PAQR7: variants seen among roughly 807,000 people sequenced by gnomAD.
PAQR7 encodes progestin and adipoQ receptor family member 7.
PAQR7 carries 14 observed loss-of-function variants against 24.6 expected under a neutral mutation model. That is an observed-to-expected ratio of 0.57 (90% CI 0.38 to 0.89). PAQR7 has a LOEUF of 0.89. Among genes scored for constraint, PAQR7 ranks in the 40% least tolerant of loss-of-function variants. The pLI, the probability that PAQR7 is intolerant of heterozygous loss-of-function variation, is 0.00. For synonymous variants in PAQR7, 189 were observed against 198.8 expected, an observed-to-expected ratio of 0.95 and a Z score of 0.42; for missense variants, 351 against 444.0, an observed-to-expected ratio of 0.79 and a Z score of 1.88.
chr1:25,868,734 C>G (rs997971896), intron 2 of PAQR7, among the ~76,000 whole-genome samples: 1 of 134,436 alleles, frequency 7.4e-6, no homozygotes, highest in African/African-American at 2.7e-5. Flanking sequence ...AAAAAAAGCT[C>G]TAAGAAGTCC....
rs1401960472 is a variant in PAQR7 at position 25,870,685 on chromosome 1, T to C, written c.-99A>G. On this transcript the variant is annotated 5_prime_UTR_variant, in exon 2 of 3. Coordinates refer to ENST00000675840, the MANE Select transcript of PAQR7 (RefSeq NM_178422.6). ...GATGGTGTCAGGCAAACTTCAGTGG[T>C]TCCTGTCCACTACTCAGTGGGAATC... 2 of 152,236 alleles carry C rather than the reference T, an allele frequency of 1.3e-5. No individual in the cohort carries two copies. Among genetic ancestry groups the C allele is most frequent in the Non-Finnish European group, 2.9e-5 (2 of 68,060 alleles). The allele number at this position is 152,236 out of a possible 1,614,324, so 9.4% of individuals were successfully genotyped here. A position where few individuals can be genotyped will look rare whatever the true frequency, so the allele number is the denominator to read the frequency against.
intron 2 of PAQR7, among the ~76,000 whole-genome samples, chr1:25,867,677 A>C (rs938602457): frequency 1.3e-5 from 2 of 152,206 alleles, no homozygotes; most frequent in African/African-American, 4.8e-5. Flanking sequence ...CCCCAAAACC[A>C]ATCAAATAAG....
intron 1 of PAQR7, among the ~76,000 whole-genome samples, chr1:25,871,578 C>A (rs1416378631): frequency 1.3e-5 from 2 of 152,000 alleles, no homozygotes; most frequent in African/African-American, 2.4e-5. Context: ...AATTCATATT[C>A]CTCAACTCAA....
In PAQR7 at chr1:25,875,323, C is replaced by T. The variant is rs763111345; in HGVS notation, c.-109+165G>A. ...CTCACTTAGCCCAGGTGCTCCCCTCCGGCTCCGCGTCCTGCCTGTCTTCCC... is the reference window on the plus strand; with the variant it reads ...CTCACTTAGCCCAGGTGCTCCCCTCTGGCTCCGCGTCCTGCCTGTCTTCCC... On this transcript the variant is annotated intron_variant, in intron 1 of 2. Transcript: ENST00000675840. The surrounding 1 kb of genome is among the most constrained non-coding windows in gnomAD (Gnocchi z 5.4). Among the ~76,000 whole-genome samples, 126 of 152,330 alleles carry T rather than the reference C, an allele frequency of 8.3e-4. No homozygotes were observed. The highest frequency in any genetic ancestry group is 1.6e-3 in the Admixed American group (24 of 15,304).
At position 25,863,918 on chromosome 1, in the gene PAQR7, CA is replaced by C; in HGVS notation, c.-22-58del. 2.2e-6 allele frequency: 3 copies of C among 1,372,438 alleles called. No individual in the cohort carries two copies. Among genetic ancestry groups the C allele is most frequent in the Non-Finnish European group, 3.0e-6 (3 of 1,013,968 alleles). 85.0% of individuals were successfully genotyped at this position (1,372,438 alleles called of 1,614,324 possible). On this transcript the variant is annotated intron_variant, in intron 2 of 2. Coordinates refer to ENST00000675840, the MANE Select transcript of PAQR7 (RefSeq NM_178422.6). The surrounding 1 kb of genome is among the most constrained non-coding windows in gnomAD (Gnocchi z 6.1). Reference sequence around the variant, plus strand: ...CTGGTGTCCTCACCCCCACGAGCAGCAGCTGGGGGGCTCTGATGCCCAAATC... The same window carrying C: ...CTGGTGTCCTCACCCCCACGAGCAGCGCTGGGGGGCTCTGATGCCCAAATC...
rs569263691 is a variant in PAQR7 at position 25,869,835 on chromosome 1, T to G, written c.-23+774A>C. Among the ~76,000 whole-genome samples the G allele has an allele frequency of 1.7e-4, 26 of 152,290 alleles. No individual in the cohort carries two copies. The South Asian group carries it at 4.3e-3, about 25-fold the overall frequency. On this transcript the variant is annotated intron_variant, in intron 2 of 2. Coordinates refer to ENST00000675840, the MANE Select transcript of PAQR7 (RefSeq NM_178422.6). ...CAGTTGCTGGCTACCTGCTTGCACC[T>G]GATCTTCTCCAGGGAGGCCCTGGCT...
intron 2 of PAQR7, among the ~76,000 whole-genome samples, chr1:25,869,032 C>T (rs193028302): frequency 1.4e-4 from 21 of 151,976 alleles, no homozygotes; most frequent in Non-Finnish European, 2.8e-4. Flanking sequence ...GAAGCTAAGG[C>T]AGGAGAAGGC....
chr1:25,862,733 C>T lies in PAQR7; in HGVS notation c.*66G>A. ...ACAACTTTACCAGGCCTTGTTCCCACCTGGAGCCAAACCCAGACCCCTGTC... is the reference window on the plus strand; with the variant it reads ...ACAACTTTACCAGGCCTTGTTCCCATCTGGAGCCAAACCCAGACCCCTGTC... On this transcript the variant is annotated 3_prime_UTR_variant, in exon 3 of 3. Coordinates refer to ENST00000675840, the MANE Select transcript of PAQR7 (RefSeq NM_178422.6). The T allele has an allele frequency of 6.7e-7, 1 of 1,501,328 alleles. No homozygotes were observed. Among genetic ancestry groups the T allele is most frequent in the Non-Finnish European group, 9.1e-7 (1 of 1,103,290 alleles). The allele number at this position is 1,501,328 out of a possible 1,614,324, so 93.0% of individuals were successfully genotyped here. A position where few individuals can be genotyped will look rare whatever the true frequency, so the allele number is the denominator to read the frequency against.
intron 2 of PAQR7, among the ~76,000 whole-genome samples, chr1:25,867,470 A>G (rs1234145285): frequency 6.6e-6 from 1 of 152,206 alleles, no homozygotes; most frequent in African/African-American, 2.4e-5. Flanking sequence ...ATTAACTCAA[A>G]TAGTTATTGA....
At chr1:25,865,668 C>T (rs1011087631) in intron 2 of PAQR7, among the ~76,000 whole-genome samples, 3 of 152,108 alleles carry the variant, frequency 2.0e-5, no homozygotes, top group Admixed American at 1.3e-4. Context: ...ATTAGCCAGG[C>T]GTGGTGGCAG....
At chr1:25,874,755 T>C (rs956955157) in intron 1 of PAQR7, among the ~76,000 whole-genome samples, 2 of 152,154 alleles carry the variant, frequency 1.3e-5, no homozygotes, top group African/African-American at 4.8e-5. Flanking sequence ...TTTCTGAAGG[T>C]CTTCAAAACC....
At chr1:25,872,451 C>T (rs2048613331) in intron 1 of PAQR7, among the ~76,000 whole-genome samples, 1 of 151,944 alleles carries the variant, frequency 6.6e-6, no homozygotes, top group Admixed American at 6.6e-5. Context: ...GCCATTTAAA[C>T]CACTGCCCTC....
At chr1:25,874,220 C>T (rs2048629180) in intron 1 of PAQR7, among the ~76,000 whole-genome samples, 3 of 148,666 alleles carry the variant, frequency 2.0e-5, no homozygotes, top group Admixed American at 6.7e-5. Flanking sequence ...ATGCTCTGTC[C>T]CCCAGGCTGG....
In PAQR7 at chr1:25,875,545, A is replaced by G. The variant is rs940999971; in HGVS notation, c.-166T>C. 5.3e-5 allele frequency among the ~76,000 whole-genome samples: 8 copies of G among 152,012 alleles called. No homozygotes were observed. In the East Asian group the frequency reaches 1.6e-3, roughly 30 times the overall value. ...GGCCGGGTCGGCGGAGCTGGCAGAT[A>G]AAAGAGCAGCCGGGCAGCGGCCCCG... On this transcript the variant is annotated 5_prime_UTR_variant, in exon 1 of 3. Coordinates refer to ENST00000675840, the MANE Select transcript of PAQR7 (RefSeq NM_178422.6). This position sits in a 1 kb window ranked among gnomAD's most constrained non-coding sequence, Gnocchi z 5.4.
At chr1:25,872,658 C>G (rs13373759) in intron 1 of PAQR7, among the ~76,000 whole-genome samples, 6,783 of 151,956 alleles carry the variant, frequency 0.045, 501 homozygotes, top group African/African-American at 0.15. Context: ...GAATCACAGG[C>G]GCACGCTACC....
At chr1:25,868,211 C>A (rs1167082781) in intron 2 of PAQR7, among the ~76,000 whole-genome samples, 2 of 152,208 alleles carry the variant, frequency 1.3e-5, no homozygotes, top group South Asian at 4.1e-4. Flanking sequence ...CTTAGGAAAG[C>A]AGAGCCCAGA....
At position 25,875,700 on chromosome 1, in the gene PAQR7, G is replaced by A. The variant is rs2048647343; in HGVS notation, c.-321C>T. Among the ~76,000 whole-genome samples, 1 of 152,088 alleles carries A rather than the reference G, an allele frequency of 6.6e-6. No homozygotes were observed. On this transcript the variant is annotated 5_prime_UTR_variant, in exon 1 of 3. Coordinates refer to ENST00000675840, the MANE Select transcript of PAQR7 (RefSeq NM_178422.6). This position sits in a 1 kb window ranked among gnomAD's most constrained non-coding sequence, Gnocchi z 5.4. ...CAGCTCTGCCCCGCCAGGCCCACGT[G>A]TTGCACGCGCGGGAGAGGGGTCGGC...
chr1:25,870,183 A>G (rs1338022095), intron 2 of PAQR7, among the ~76,000 whole-genome samples: 1 of 152,158 alleles, frequency 6.6e-6, no homozygotes, highest in Non-Finnish European at 1.5e-5. Flanking sequence ...TCAGCCTCTG[A>G]GTCGTGTGCC....
chr1:25,865,861 C>T (rs1205328959), intron 2 of PAQR7, among the ~76,000 whole-genome samples: 1 of 151,754 alleles, frequency 6.6e-6, no homozygotes, highest in African/African-American at 2.4e-5. Flanking sequence ...TGGCACCTGC[C>T]TATAAGCCCA....
Sources: gnomAD v4.1 joint callset for allele counts (sites outside exome capture counted in the v4.1 genomes callset) on GRCh38, gnomAD v4.1.1 for gene constraint, Gnocchi (gnomAD v3.1) non-coding constraint, MANE v1.5 for transcripts, NCBI Gene and HGNC (gene_info 2026-07-23, HGNC 2026-07-21) for gene names.